LRRC8B: variants seen among roughly 807,000 people sequenced by gnomAD.
LRRC8B encodes volume-regulated anion channel subunit LRRC8B.
In LRRC8B, 23 loss-of-function variants were observed where a neutral mutation model predicts 58.8. The ratio of observed to expected loss-of-function variants is 0.39; its 90% CI spans 0.28 to 0.55. LRRC8B has a LOEUF of 0.55. LRRC8B is among the 20% of genes least tolerant of loss of function. The pLI, the probability that LRRC8B is intolerant of heterozygous loss-of-function variation, is 0.62. For synonymous variants in LRRC8B, 359 were observed against 374.1 expected, an observed-to-expected ratio of 0.96 and a Z score of 0.47; for missense variants, 694 against 936.0, an observed-to-expected ratio of 0.74 and a Z score of 3.37.
intron 5 of LRRC8B, among the ~76,000 whole-genome samples, chr1:89,585,742 G>A (rs922023682): frequency 6.6e-6 from 1 of 151,964 alleles, no homozygotes; most frequent in Non-Finnish European, 1.5e-5. Flanking sequence ...CCGGGAGGTG[G>A]AGTTGCAGTG....
chr1:89,538,806 C>T lies in LRRC8B; in HGVS notation c.-241+13784C>T, dbSNP rs368289116. ...CATGATCTCAGCTCACTGCAACCTC[C>T]ACCTACCGGGTTCAAGCGATTCCCC... On this transcript the variant is annotated intron_variant, in intron 1 of 5. Transcript: ENST00000330947. Among the ~76,000 whole-genome samples the T allele has an allele frequency of 9.9e-5, 15 of 152,218 alleles. No individual in the cohort carries two copies. The South Asian group carries it at 3.1e-3, about 32-fold the overall frequency.
chr1:89,531,707 C>T (rs1248946057), intron 1 of LRRC8B, among the ~76,000 whole-genome samples: 1 of 152,244 alleles, frequency 6.6e-6, no homozygotes, highest in African/African-American at 2.4e-5. Context: ...ACTCTACAGA[C>T]ACAAATCTCC....
rs1655247337 is a variant in LRRC8B, at chr1:89,595,674, A to AT, written c.*2631_*2632insT. 6.6e-6 allele frequency: 1 copy of AT among 152,148 alleles called. No homozygotes were observed. The highest frequency in any genetic ancestry group is 1.5e-5 in the Non-Finnish European group (1 of 67,978). The allele number at this position is 152,148 out of a possible 1,614,324, so 9.4% of individuals were successfully genotyped here. On this transcript the variant is annotated 3_prime_UTR_variant, in exon 6 of 6. Coordinates refer to ENST00000330947, the MANE Select transcript of LRRC8B (RefSeq NM_001369817.2). ...TTACATCTTTTAATTTAAACCTTAT[A>AT]CACCAGTGTTTAGGTCGCTTTTGAG...
At chr1:89,542,775 TATCTC>T (rs959526252) in intron 1 of LRRC8B, among the ~76,000 whole-genome samples, 3 of 152,218 alleles carry the variant, frequency 2.0e-5, no homozygotes, top group African/African-American at 7.2e-5. Flanking sequence ...AACATAAAGT[TATCTC>T]ATCATGAGTA....
intron 3 of LRRC8B, among the ~76,000 whole-genome samples, chr1:89,568,819 G>A (rs1170730026): frequency 3.3e-5 from 5 of 152,128 alleles, no homozygotes; most frequent in East Asian, 3.9e-4. Flanking sequence ...GTCCATGTCT[G>A]TATTTTTCTG....
intron 1 of LRRC8B, among the ~76,000 whole-genome samples, chr1:89,548,904 G>T (rs377479518): frequency 6.6e-6 from 1 of 152,144 alleles, no homozygotes. Flanking sequence ...TGTTTGAGGC[G>T]TATAAATACA....
chr1:89,539,936 AGAATTATAATTAAATAT>A (rs1332326759), intron 1 of LRRC8B, among the ~76,000 whole-genome samples: 33 of 152,234 alleles, frequency 2.2e-4, no homozygotes, highest in Admixed American at 7.2e-4. Context: ...TGCTTGTTTT[AGAATTATAATTAAATAT>A]TCAGCAGATA....
At chr1:89,576,714 A>C (rs933853158) in intron 3 of LRRC8B, among the ~76,000 whole-genome samples, 1 of 152,170 alleles carries the variant, frequency 6.6e-6, no homozygotes, top group African/African-American at 2.4e-5. Context: ...CTATTAGAAA[A>C]ATCTTTCTTT....
At chr1:89,569,732 C>T (rs527552073) in intron 3 of LRRC8B, among the ~76,000 whole-genome samples, 34 of 151,544 alleles carry the variant, frequency 2.2e-4, no homozygotes, top group African/African-American at 6.3e-4. Flanking sequence ...CTTTTAAGTT[C>T]GGAGGTACAT....
At chr1:89,557,020 C>T (rs772179232) in intron 1 of LRRC8B, among the ~76,000 whole-genome samples, 5 of 152,198 alleles carry the variant, frequency 3.3e-5, no homozygotes, top group East Asian at 1.9e-4. Flanking sequence ...AGAGATTGTG[C>T]GCATTCTGTT....
chr1:89,549,880 T>C (rs533717634), intron 1 of LRRC8B: 79 of 152,266 alleles, frequency 5.2e-4, no homozygotes, highest in African/African-American at 1.9e-3. Flanking sequence ...CAAAAACAGC[T>C]TAACAAACTC....
intron 1 of LRRC8B, among the ~76,000 whole-genome samples, chr1:89,549,081 A>G (rs1190454395): frequency 6.6e-6 from 1 of 152,212 alleles, no homozygotes; most frequent in Non-Finnish European, 1.5e-5. Context: ...ATGGGATACC[A>G]CAGTGAGCCC....
chr1:89,544,012 T>A (rs1651218647), intron 1 of LRRC8B, among the ~76,000 whole-genome samples: 1 of 152,126 alleles, frequency 6.6e-6, no homozygotes, highest in Non-Finnish European at 1.5e-5. Context: ...CCCAGGCTGG[T>A]TTTGAACTCT....
At chr1:89,548,010 CTT>C (rs10567894) in intron 1 of LRRC8B, among the ~76,000 whole-genome samples, 8,623 of 152,210 alleles carry the variant, frequency 0.057, 279 homozygotes, top group African/African-American at 0.086. Flanking sequence ...AGTGAATTGT[CTT>C]TTATGCAGAT....
chr1:89,568,808 A>C (rs1653223057), intron 3 of LRRC8B, among the ~76,000 whole-genome samples: 1 of 152,070 alleles, frequency 6.6e-6, no homozygotes, highest in Non-Finnish European at 1.5e-5. Flanking sequence ...GCAGACTTGG[A>C]GTCCATGTCT....
intron 5 of LRRC8B, chr1:89,588,083 G>A (rs1334709311): frequency 6.6e-6 from 1 of 152,138 alleles, no homozygotes; most frequent in African/African-American, 2.4e-5. Flanking sequence ...GGCTATAGGA[G>A]AGCTGAGAAC....
chr1:89,596,010 T>C lies in LRRC8B; in HGVS notation c.*2967T>C, dbSNP rs1422592685. ...ATTTGCATGCACACACAGACACACA[T>C]ACTTCATATATGCAAATTATAGCAT... On this transcript the variant is annotated 3_prime_UTR_variant, in exon 6 of 6. Coordinates refer to ENST00000330947, the MANE Select transcript of LRRC8B (RefSeq NM_001369817.2). 1 of 152,114 alleles carries C rather than the reference T, an allele frequency of 6.6e-6. No individual in the cohort carries two copies. The highest frequency in any genetic ancestry group is 2.4e-5 in the African/African-American group (1 of 41,452). The allele number at this position is 152,114 out of a possible 1,614,324, so 9.4% of individuals were successfully genotyped here.
intron 5 of LRRC8B, among the ~76,000 whole-genome samples, chr1:89,585,199 C>T (rs186587095): frequency 6.6e-6 from 1 of 152,298 alleles, no homozygotes; most frequent in African/African-American, 2.4e-5. Flanking sequence ...AATAAAATAA[C>T]TTCTTGTTCT....
chr1:89,576,346 A>G (rs989343039), intron 3 of LRRC8B, among the ~76,000 whole-genome samples: 1 of 152,066 alleles, frequency 6.6e-6, no homozygotes, highest in African/African-American at 2.4e-5. Flanking sequence ...CAGACAGTTT[A>G]TTGTCTATCT....
Sources: allele counts gnomAD v4.1 joint callset (sites outside exome capture counted in the v4.1 genomes callset), GRCh38; gene constraint gnomAD v4.1.1; transcripts MANE v1.5; gene names NCBI Gene and HGNC (gene_info 2026-07-23, HGNC 2026-07-21).